The following SLC28A3 variants were observed in gnomAD, a reference collection of about 807,000 sequenced individuals.
SLC28A3 encodes concentrative Na(+)-nucleoside cotransporter 3.
Under a neutral mutation model 84.2 loss-of-function variants are expected in SLC28A3, and 68 were observed. The ratio of observed to expected loss-of-function variants is 0.81; its 90% confidence interval spans 0.66 to 0.99. SLC28A3 has a LOEUF of 0.99. Ranked by LOEUF, SLC28A3 falls within the 50% of genes least tolerant of loss-of-function variation. The pLI is 0.00. For synonymous variants in SLC28A3, 267 were observed against 303.6 expected, an observed-to-expected ratio of 0.88 and a Z score of 1.25; for missense variants, 712 against 841.5, an observed-to-expected ratio of 0.85 and a Z score of 1.90.
At chr9:84,292,846 G>A in intron 9 of SLC28A3, 98 bp from the exon 10 acceptor site, 1 of 756,876 alleles carries the variant, frequency 1.3e-6, no homozygotes. Flanking sequence ...AAAATATTGA[G>A]GGCTTCAACA....
At chr9:84,333,388 C>T (rs956643188) in intron 1 of SLC28A3, among the ~76,000 whole-genome samples, 7 of 152,070 alleles carry the variant, frequency 4.6e-5, no homozygotes, top group African/African-American at 7.2e-5. Context: ...GATAGGTATG[C>T]GTGACCCAGT....
intron 1 of SLC28A3, among the ~76,000 whole-genome samples, chr9:84,333,503 A>G (rs1385329606): frequency 6.6e-6 from 1 of 152,230 alleles, no homozygotes; most frequent in Non-Finnish European, 1.5e-5. Context: ...TTTCAAATAA[A>G]AATGGAAAAA....
At chr9:84,284,080 A>T (rs1468069822) in intron 14 of SLC28A3, among the ~76,000 whole-genome samples, 1 of 152,126 alleles carries the variant, frequency 6.6e-6, no homozygotes, top group African/African-American at 2.4e-5. Context: ...CTTTCCACAA[A>T]ATTGCTTCGT....
In SLC28A3 at chr9:84,280,826, G is replaced by T; in HGVS notation, c.1704C>A (p.Ser568=). Residue 568 remains serine (S), a synonymous_variant, in exon 15 of 18, where the codon TCC becomes TCA. Transcript: ENST00000376238. ...YALCGFANIG[S]LGIVIGGLTS... is the part of the protein sequence containing the mutation. The stretch of plus-strand genomic sequence containing the variant: ...TGAGTCCGCCGATCACGATTCCTAG[G>T]GACCCGATATTGGCAAAACCACAGA... 1 of 1,613,934 alleles carries T rather than the reference G, an allele frequency of 6.2e-7. No homozygotes were observed. Among genetic ancestry groups the T allele is most frequent in the Non-Finnish European group, 8.5e-7 (1 of 1,180,002 alleles).
At chr9:84,316,744 T>C (rs1414113657) in intron 1 of SLC28A3, among the ~76,000 whole-genome samples, 2 of 152,240 alleles carry the variant, frequency 1.3e-5, no homozygotes, top group Non-Finnish European at 2.9e-5. Flanking sequence ...GGCTTATGCC[T>C]GTAATCCCAG....
At chr9:84,286,445 CTT>C (rs71498094) in intron 12 of SLC28A3, among the ~76,000 whole-genome samples, 7 of 87,662 alleles carry the variant, frequency 8.0e-5, no homozygotes, top group Admixed American at 1.4e-4. Flanking sequence ...CCATGCTTGG[CTT>C]TTTTTTTTTT....
At chr9:84,308,468 C>A (rs1412567999) in intron 3 of SLC28A3, among the ~76,000 whole-genome samples, 2 of 151,974 alleles carry the variant, frequency 1.3e-5, no homozygotes, top group African/African-American at 4.8e-5. Context: ...ATTGCTTGAA[C>A]CCGGGAGATG....
At chr9:84,285,257 A>G in intron 14 of SLC28A3, 88 bp downstream of exon 14, 1 of 1,332,204 alleles carries the variant, frequency 7.5e-7, no homozygotes, top group Non-Finnish European at 1.0e-6. Flanking sequence ...GGTGCCTGGC[A>G]TAGTGCTTGA....
At chr9:84,280,974 A>C in intron 14 of SLC28A3, 92 bp from the exon 15 acceptor site, 4 of 1,156,110 alleles carry the variant, frequency 3.5e-6, no homozygotes, top group Non-Finnish European at 5.1e-6. Flanking sequence ...CCATAAATTC[A>C]ATATTGACAA....
chr9:84,341,994 T>C (rs894466672), upstream of SLC28A3, among the ~76,000 whole-genome samples: 1 of 151,814 alleles, frequency 6.6e-6, no homozygotes, highest in African/African-American at 2.4e-5. Context: ...CCAGGAGTGA[T>C]AACGTGCGCC....
the SLC28A3 span, among the ~76,000 whole-genome samples, chr9:84,346,778 C>T: frequency 6.6e-6 from 1 of 152,114 alleles, no homozygotes; most frequent in Non-Finnish European, 1.5e-5. Flanking sequence ...AAAGGCCAGC[C>T]AGAGCACTTA....
At chr9:84,288,282 T>C in intron 11 of SLC28A3, 104 bp from the exon 12 acceptor site, 1 of 1,505,400 alleles carries the variant, frequency 6.6e-7, no homozygotes, top group Non-Finnish European at 9.0e-7. Context: ...GCAGGGGTTG[T>C]TTCTATTCCA....
intron 1 of SLC28A3, among the ~76,000 whole-genome samples, chr9:84,328,006 G>T (rs1414086121): frequency 1.3e-5 from 2 of 151,400 alleles, no homozygotes; most frequent in Non-Finnish European, 2.9e-5. Flanking sequence ...ACCCAGTACT[G>T]TTTCTCTGGT....
intron 1 of SLC28A3, among the ~76,000 whole-genome samples, chr9:84,339,411 G>A (rs1467899931): frequency 6.6e-6 from 1 of 151,836 alleles, no homozygotes; most frequent in African/African-American, 2.4e-5. Context: ...CACCATGCCC[G>A]GCTGATTTTT....
intron 1 of SLC28A3, among the ~76,000 whole-genome samples, chr9:84,337,949 A>C (rs1049291366): frequency 6.6e-6 from 1 of 152,166 alleles, no homozygotes; most frequent in African/African-American, 2.4e-5. Context: ...AACCTTTCCC[A>C]CTGGAGTACT....
chr9:84,279,197 G>T, intron 17 of SLC28A3, 68 bp downstream of exon 17: 2 of 1,325,682 alleles, frequency 1.5e-6, no homozygotes, highest in South Asian at 1.9e-5. Context: ...AAAAGTAAGT[G>T]GATATTTAGG....
chr9:84,278,400 G>A (rs1315251793), intron 17 of SLC28A3, 56 bp from the exon 18 acceptor site: 1 of 1,605,446 alleles, frequency 6.2e-7, no homozygotes, highest in Non-Finnish European at 8.5e-7. Context: ...GAAACAGTAG[G>A]TGAGCAGACA....
chr9:84,298,050 G>A, intron 6 of SLC28A3, 31 bp from the exon 7 acceptor site: 1 of 1,558,336 alleles, frequency 6.4e-7, no homozygotes, highest in Admixed American at 1.8e-5. Context: ...ATATGTCTTA[G>A]TAGGAAAATT....
At chr9:84,298,717 A>G (rs1472425154) in intron 6 of SLC28A3, among the ~76,000 whole-genome samples, 2 of 152,246 alleles carry the variant, frequency 1.3e-5, no homozygotes, top group African/African-American at 4.8e-5. Flanking sequence ...GGAAAGGCAG[A>G]ACATGATTTC....
Sources: gnomAD v4.1 joint callset for allele counts (sites outside exome capture counted in the v4.1 genomes callset) on GRCh38, gnomAD v4.1.1 for gene constraint, MANE v1.5 for transcripts, NCBI Gene and HGNC (gene_info 2026-07-23, HGNC 2026-07-21) for gene names.